SMAD2: variants seen among roughly 807,000 people sequenced by gnomAD.
The protein encoded by SMAD2 is SMAD family member 2.
A neutral mutation model predicts 64.4 loss-of-function variants in SMAD2; 8 were observed. The observed-to-expected ratio is 0.12, with a 90% CI of 0.07 to 0.22. The LOEUF (loss-of-function observed/expected upper bound fraction) is 0.22. Ranked by LOEUF, SMAD2 falls within the 10% of genes least tolerant of loss-of-function variation. SMAD2 has a pLI of 1.00. For missense variants in SMAD2, 289 were observed against 561.2 expected (o/e 0.51, Z 4.90); for synonymous variants, 203 against 195.8 (o/e 1.04, Z -0.31).
intron 6 of SMAD2, among the ~76,000 whole-genome samples, chr18:47,859,618 T>C (rs1357775863): frequency 1.3e-5 from 2 of 152,050 alleles, no homozygotes; most frequent in African/African-American, 4.8e-5. Context: ...AACATAAAAT[T>C]TGTAATATAG....
Position 47,869,319 on chromosome 18 carries a change from G to C in SMAD2, c.444C>G (p.Asn148Lys). Residue 148 changes from asparagine (N) to lysine (K), a missense_variant, in exon 4 of 11, where the codon AAC becomes AAG. Transcript: ENST00000262160. ...HSHHELKAIE[N>K]CEYAFNLKKD... Reference sequence around the variant, plus strand: ...TTTTAAGATTAAAAGCATATTCGCAGTTTTCAATTGCCTTGAGTTCATGAT... The same window carrying C: ...TTTTAAGATTAAAAGCATATTCGCACTTTTCAATTGCCTTGAGTTCATGAT... 1 of 1,613,684 alleles carries C rather than the reference G, an allele frequency of 6.2e-7. No individual in the cohort carries two copies. Among genetic ancestry groups the C allele is most frequent in the Non-Finnish European group, 8.5e-7 (1 of 1,179,734 alleles).
intron 7 of SMAD2, among the ~76,000 whole-genome samples, chr18:47,850,286 A>C (rs1462375136): frequency 1.9e-5 from 1 of 52,982 alleles, no homozygotes; most frequent in Non-Finnish European, 3.1e-5. Flanking sequence ...TATTATATAT[A>C]TTATGTATAA....
chr18:47,811,739 A>C lies in SMAD2; in HGVS notation c.*30088T>G, dbSNP rs1912213212. 1 of 152,200 alleles carries C rather than the reference A, an allele frequency of 6.6e-6. No individual in the cohort carries two copies. Among genetic ancestry groups the C allele is most frequent in the Non-Finnish European group, 1.5e-5 (1 of 68,050 alleles). 9.4% of individuals were successfully genotyped at this position (152,200 alleles called of 1,614,324 possible). A position where few individuals can be genotyped will look rare whatever the true frequency, so the allele number is the denominator to read the frequency against. On this transcript the variant is annotated 3_prime_UTR_variant, in exon 11 of 11. Coordinates refer to ENST00000262160, the MANE Select transcript of SMAD2 (RefSeq NM_005901.6). ...AAGAGCAGGGTGGAGGAAACATACC[A>C]TGCATTTCAAGGAAAACAACTTAAA...
intron 6 of SMAD2, among the ~76,000 whole-genome samples, chr18:47,861,148 G>C (rs974815414): frequency 2.0e-5 from 3 of 152,130 alleles, no homozygotes; most frequent in Admixed American, 2.0e-4. Flanking sequence ...CTGAGGTTGG[G>C]AGTTCGAGAC....
At chr18:47,907,407 A>C (rs2033948465) in intron 1 of SMAD2, among the ~76,000 whole-genome samples, 1 of 152,214 alleles carries the variant, frequency 6.6e-6, no homozygotes, top group Non-Finnish European at 1.5e-5. Flanking sequence ...AAAGACAAAG[A>C]AATATAGACT....
At position 47,810,873 on chromosome 18, in the gene SMAD2, T is replaced by A. The variant is rs1304720585; in HGVS notation, c.*30954A>T. ...TTTGCACCATCTTCTGAATTCAGCA[T>A]CGTCTTCCTTAGACTGTGGGATGCA... On this transcript the variant is annotated 3_prime_UTR_variant, in exon 11 of 11. Coordinates refer to ENST00000262160, the MANE Select transcript of SMAD2 (RefSeq NM_005901.6). The A allele has an allele frequency of 1.3e-5, 2 of 152,254 alleles. No homozygotes were observed. Among genetic ancestry groups the A allele is most frequent in the African/African-American group, 4.8e-5 (2 of 41,466 alleles). 9.4% of individuals were successfully genotyped at this position (152,254 alleles called of 1,614,324 possible). A position where few individuals can be genotyped will look rare whatever the true frequency, so the allele number is the denominator to read the frequency against.
chr18:47,927,428 C>G (rs1404355310), intron 1 of SMAD2, among the ~76,000 whole-genome samples: 1 of 152,162 alleles, frequency 6.6e-6, no homozygotes, highest in Non-Finnish European at 1.5e-5. Context: ...TGTACACTAA[C>G]AACTGTCTTA....
rs1312778480 is a variant in SMAD2 at position 47,825,885 on chromosome 18, G to A, written c.*15942C>T. 6.6e-6 allele frequency: 1 copy of A among 152,216 alleles called. No individual in the cohort carries two copies. The highest frequency in any genetic ancestry group is 1.5e-5 in the Non-Finnish European group (1 of 68,034). 9.4% of individuals were successfully genotyped at this position (152,216 alleles called of 1,614,324 possible). On this transcript the variant is annotated 3_prime_UTR_variant, in exon 11 of 11. Transcript: ENST00000262160. ...AAAGCACTCCAAGCTCCTAAAAACA[G>A]GCAGCATGAAGTAAAGCAGATAGCA...
chr18:47,829,203 C>T lies in SMAD2; in HGVS notation c.*12624G>A, dbSNP rs1912893506. Reference sequence around the variant, plus strand: ...TTTCTTCACTACAAGGAATTTCAAACTTATCTAAAAGGAAATAGAATACAA... The same window carrying T: ...TTTCTTCACTACAAGGAATTTCAAATTTATCTAAAAGGAAATAGAATACAA... On this transcript the variant is annotated 3_prime_UTR_variant, in exon 11 of 11. Transcript: ENST00000262160. 6.6e-6 allele frequency: 1 copy of T among 152,050 alleles called. No individual in the cohort carries two copies. Among genetic ancestry groups the T allele is most frequent in the Admixed American group, 6.5e-5 (1 of 15,270 alleles). The allele number at this position is 152,050 out of a possible 1,614,324, so 9.4% of individuals were successfully genotyped here.
chr18:47,915,086 C>T lies in SMAD2; in HGVS notation c.-54+15275G>A, dbSNP rs191153955. 7.9e-5 allele frequency among the ~76,000 whole-genome samples: 12 copies of T among 152,270 alleles called. No individual in the cohort carries two copies. The East Asian group carries it at 1.2e-3, about 15-fold the overall frequency. ...AATTACACAAAAATATTACACTCAA[C>T]ACTCATGTACTTTCCATCTAGCTGT... On this transcript the variant is annotated intron_variant, in intron 1 of 10. Coordinates refer to ENST00000262160, the MANE Select transcript of SMAD2 (RefSeq NM_005901.6).
rs1262979327 is a variant in SMAD2 at position 47,923,172 on chromosome 18, GATT to G, written c.-54+7186_-54+7188del. On this transcript the variant is annotated intron_variant, in intron 1 of 10. Coordinates refer to ENST00000262160, the MANE Select transcript of SMAD2 (RefSeq NM_005901.6). ...CTTACATATTGGTTTATCATTCCCA[GATT>G]ATTAAAAAAAAAAAAAAAGCACCTA... Among the ~76,000 whole-genome samples, 5 of 135,114 alleles carry G rather than the reference GATT, an allele frequency of 3.7e-5. No homozygotes were observed. The East Asian group carries it at 6.4e-4, about 17-fold the overall frequency. The allele number at this position is 135,114 out of a possible 152,430, so 88.6% of individuals were successfully genotyped here.
chr18:47,855,456 A>G (rs1474008035), intron 6 of SMAD2, among the ~76,000 whole-genome samples: 1 of 152,136 alleles, frequency 6.6e-6, no homozygotes, highest in East Asian at 1.9e-4. Flanking sequence ...CAAAGTGGCT[A>G]TACCATTTTT....
chr18:47,887,613 T>A (rs1417150509), intron 2 of SMAD2, among the ~76,000 whole-genome samples: 1 of 152,174 alleles, frequency 6.6e-6, no homozygotes, highest in Non-Finnish European at 1.5e-5. Flanking sequence ...CTTACTAACG[T>A]CTACTTTGTC....
chr18:47,875,621 T>C (rs2032218598), intron 2 of SMAD2, among the ~76,000 whole-genome samples: 1 of 152,130 alleles, frequency 6.6e-6, no homozygotes, highest in Non-Finnish European at 1.5e-5. Context: ...TTTTTACACA[T>C]TCAATAAATT....
chr18:47,885,938 G>T (rs1438572440), intron 2 of SMAD2, among the ~76,000 whole-genome samples: 1 of 152,192 alleles, frequency 6.6e-6, no homozygotes, highest in Admixed American at 6.5e-5. Context: ...CTCCAGCCTG[G>T]ACGACAGAGC....
chr18:47,874,266 A>G (rs1462298499), intron 2 of SMAD2, among the ~76,000 whole-genome samples: 1 of 152,204 alleles, frequency 6.6e-6, no homozygotes, highest in Non-Finnish European at 1.5e-5. Flanking sequence ...TTACTGACCC[A>G]TGGATGAATC....
intron 1 of SMAD2, among the ~76,000 whole-genome samples, chr18:47,918,265 G>A (rs1568115405): frequency 6.6e-6 from 1 of 152,196 alleles, no homozygotes; most frequent in Non-Finnish European, 1.5e-5. Context: ...AAGAGGGTGT[G>A]AATGAACATG....
intron 6 of SMAD2, among the ~76,000 whole-genome samples, chr18:47,861,172 G>A (rs2031156296): frequency 6.6e-6 from 1 of 151,988 alleles, no homozygotes; most frequent in African/African-American, 2.4e-5. Flanking sequence ...CCTGACCAAC[G>A]TGGAGAAACT....
intron 1 of SMAD2, among the ~76,000 whole-genome samples, chr18:47,916,108 A>G (rs1415963666): frequency 6.6e-6 from 1 of 152,182 alleles, no homozygotes; most frequent in Non-Finnish European, 1.5e-5. Flanking sequence ...TACATTCCTG[A>G]GACAAACCCT....
Sources: allele counts gnomAD v4.1 joint callset (sites outside exome capture counted in the v4.1 genomes callset), GRCh38; gene constraint gnomAD v4.1.1; transcripts MANE v1.5; gene names NCBI Gene and HGNC (gene_info 2026-07-23, HGNC 2026-07-21).